ANKLE2: variants seen among roughly 807,000 people sequenced by gnomAD.
The protein encoded by ANKLE2 is ankyrin repeat and LEM domain-containing protein 2.
Under a neutral mutation model 84.2 loss-of-function variants are expected in ANKLE2, and 55 were observed. The observed-to-expected ratio is 0.65, with a 90% CI of 0.53 to 0.82. ANKLE2 has a LOEUF of 0.82. Among genes scored for constraint, ANKLE2 ranks in the 40% least tolerant of loss-of-function variants. ANKLE2 has a pLI of 0.00. For synonymous variants in ANKLE2, 551 were observed against 486.1 expected (o/e 1.13, Z -1.76); for missense variants, 1,238 against 1,201.9 (o/e 1.03, Z -0.44).
chr12:132,744,712 A>C (rs942219723), intron 5 of ANKLE2, among the ~76,000 whole-genome samples: 4 of 151,754 alleles, frequency 2.6e-5, no homozygotes, highest in Non-Finnish European at 4.4e-5. Flanking sequence ...ACAGAGTCTC[A>C]CTCTGTCGCC....
At chr12:132,756,616 T>C (rs930500809) in intron 1 of ANKLE2, 2 of 151,932 alleles carry the variant, frequency 1.3e-5, no homozygotes, top group African/African-American at 2.4e-5. Context: ...TTTAAAAACA[T>C]GTTCGTGATT....
chr12:132,761,530 G>C (rs2044625406), intron 1 of ANKLE2, 88 bp downstream of exon 1: 1 of 1,092,782 alleles, frequency 9.2e-7, no homozygotes, highest in Non-Finnish European at 1.1e-6. Flanking sequence ...CCGGCTCCAG[G>C]GGCGCGGCCG....
chr12:132,759,665 C>T (rs1181971810), intron 1 of ANKLE2: 1 of 128,280 alleles, frequency 7.8e-6, no homozygotes, highest in African/African-American at 5.2e-5. Context: ...CCTCACCCGC[C>T]GCCACCTTGT....
chr12:132,758,210 G>C (rs2044525803), intron 1 of ANKLE2: 1 of 152,114 alleles, frequency 6.6e-6, no homozygotes, highest in Non-Finnish European at 1.5e-5. Context: ...AGGTGTTTGA[G>C]ACCAGCCTGG....
chr12:132,740,058 C>T (rs541594693), intron 7 of ANKLE2, among the ~76,000 whole-genome samples: 4 of 152,354 alleles, frequency 2.6e-5, no homozygotes, highest in South Asian at 2.1e-4. Flanking sequence ...TTAATGTCAG[C>T]GTTGCAAAGC....
Position 132,728,038 on chromosome 12 carries a change from C to T in ANKLE2, c.2609G>A (p.Arg870Lys), listed in dbSNP as rs1447597495. 2 of 1,601,242 alleles carry T rather than the reference C, an allele frequency of 1.2e-6. No homozygotes were observed. Among genetic ancestry groups the T allele is most frequent in the Middle Eastern group, 3.3e-4 (2 of 6,028 alleles). Reference sequence around the variant, plus strand: ...CTGTCCGGGCCCCACATACCTCTGTCTGTCCGAGGGTGAGTAGCACAGGAC... The same window carrying T: ...CTGTCCGGGCCCCACATACCTCTGTTTGTCCGAGGGTGAGTAGCACAGGAC... The part of the protein sequence containing the change: ...SAVLCYSPSD[R>K]QSWPSPAVKG... Residue 870 changes from arginine to lysine, a missense_variant, in exon 12 of 13, where the codon AGA becomes AAA. Physicochemically the swap from Arg to Lys is conservative, Grantham distance 26. Coordinates refer to ENST00000357997, the MANE Select transcript of ANKLE2 (RefSeq NM_015114.3).
chr12:132,759,976 A>C (rs1038036324), intron 1 of ANKLE2: 1 of 152,150 alleles, frequency 6.6e-6, no homozygotes, highest in African/African-American at 2.4e-5. Flanking sequence ...TCTATTAAAA[A>C]TACAAAAATT....
In ANKLE2 at chr12:132,754,712, C is replaced by T. The variant is rs767539676; in HGVS notation, c.603G>A (p.Gly201=). 6.2e-7 allele frequency: 1 copy of T among 1,613,728 alleles called. No individual in the cohort carries two copies. Among genetic ancestry groups the T allele is most frequent in the Admixed American group, 1.7e-5 (1 of 59,950 alleles). The change falls in exon 2 of 13, where the codon GGG becomes GGA. Residue 201 remains glycine (G), a synonymous_variant. Coordinates refer to ENST00000357997, the MANE Select transcript of ANKLE2 (RefSeq NM_015114.3). ...TASKEPPLYY[G]VCPVYEDVPA... ...GGACGTCCTCATACACTGGACACAC[C>T]CCATAGTACAGGGGCGGCTCCTTAG...
intron 5 of ANKLE2, among the ~76,000 whole-genome samples, chr12:132,744,748 T>G (rs1220443177): frequency 6.6e-6 from 1 of 152,104 alleles, no homozygotes; most frequent in Non-Finnish European, 1.5e-5. Flanking sequence ...TGGCGTGATA[T>G]GGGCTTACTG....
intron 5 of ANKLE2, among the ~76,000 whole-genome samples, chr12:132,747,306 G>A (rs1648560444): frequency 6.7e-6 from 1 of 148,888 alleles, no homozygotes; most frequent in South Asian, 2.1e-4. Context: ...ACAGCCCTGC[G>A]TGTCAGGCAG....
At chr12:132,736,366 G>A (rs2044008812) in intron 8 of ANKLE2, among the ~76,000 whole-genome samples, 1 of 152,216 alleles carries the variant, frequency 6.6e-6, no homozygotes, top group Admixed American at 6.5e-5. Context: ...ATAAAAAAGT[G>A]TACAACCTTT....
In ANKLE2 at chr12:132,750,623, TG is replaced by T. The variant is rs747412004; in HGVS notation, c.847+19del. ...TCAATGTGACAGGAACATCAAGATG[TG>T]AACGGCTGCATGATTTACCTTTCAA... On this transcript the variant is annotated intron_variant, in intron 3 of 12. Coordinates refer to ENST00000357997, the MANE Select transcript of ANKLE2 (RefSeq NM_015114.3). 11 of 1,613,248 alleles carry T rather than the reference TG, an allele frequency of 6.8e-6. No homozygotes were observed. Among genetic ancestry groups the T allele is most frequent in the Non-Finnish European group, 9.3e-6 (11 of 1,179,272 alleles).
chr12:132,739,793 C>G (rs2044084895), intron 7 of ANKLE2, among the ~76,000 whole-genome samples: 1 of 152,242 alleles, frequency 6.6e-6, no homozygotes, highest in Non-Finnish European at 1.5e-5. Flanking sequence ...TACAACGTGA[C>G]CGAGGCCCCA....
At chr12:132,753,504 A>C (rs1191906574) in intron 2 of ANKLE2, among the ~76,000 whole-genome samples, 2 of 151,882 alleles carry the variant, frequency 1.3e-5, no homozygotes, top group Non-Finnish European at 2.9e-5. Context: ...GATGGCTCAC[A>C]CCTGTAATCC....
intron 11 of ANKLE2, among the ~76,000 whole-genome samples, chr12:132,729,286 G>A (rs888492109): frequency 7.3e-6 from 1 of 137,594 alleles, no homozygotes; most frequent in African/African-American, 2.8e-5. Context: ...GGGAGGTGGA[G>A]GTTACAGTGA....
intron 7 of ANKLE2, among the ~76,000 whole-genome samples, chr12:132,739,836 T>A (rs897403758): frequency 6.6e-6 from 1 of 152,228 alleles, no homozygotes; most frequent in African/African-American, 2.4e-5. Context: ...TGCCTGGGCT[T>A]CGCATGAGCC....
At chr12:132,750,011 G>A (rs1381244537) in intron 3 of ANKLE2, among the ~76,000 whole-genome samples, 1 of 151,696 alleles carries the variant, frequency 6.6e-6, no homozygotes, top group African/African-American at 2.4e-5. Flanking sequence ...CATAAAAAAA[G>A]TTTAAATTCT....
At position 132,748,034 on chromosome 12, in the gene ANKLE2, G is replaced by A. The variant is rs761129809; in HGVS notation, c.1042-14C>T. On this transcript the variant is annotated splice_polypyrimidine_tract_variant and intron_variant, in intron 4 of 12. Coordinates refer to ENST00000357997, the MANE Select transcript of ANKLE2 (RefSeq NM_015114.3). ...CCTGCACCCTTCCTGAAAGAGAACCGCATGCTCTGAGCTTCCTATCTGATG... is the reference window on the plus strand; with the variant it reads ...CCTGCACCCTTCCTGAAAGAGAACCACATGCTCTGAGCTTCCTATCTGATG... 31 of 1,596,412 alleles carry A rather than the reference G, an allele frequency of 1.9e-5. No individual in the cohort carries two copies. The highest frequency in any genetic ancestry group is 5.6e-5 in the South Asian group (5 of 89,656).
intron 1 of ANKLE2, chr12:132,755,978 T>G (rs936416874): frequency 1.3e-5 from 2 of 151,836 alleles, no homozygotes; most frequent in African/African-American, 4.8e-5. Context: ...CCCGAGTAGC[T>G]GGGATTACAG....
Sources: gnomAD v4.1 joint callset for allele counts (sites outside exome capture counted in the v4.1 genomes callset) on GRCh38, gnomAD v4.1.1 for gene constraint, MANE v1.5 for transcripts, NCBI Gene and HGNC (gene_info 2026-07-23, HGNC 2026-07-21) for gene names.